CHCHD6: variants seen among roughly 807,000 people sequenced by gnomAD.
CHCHD6 encodes the protein coiled-coil-helix-coiled-coil-helix domain containing 6.
CHCHD6 carries 28 observed loss-of-function variants against 32.3 expected under a neutral mutation model. The observed-to-expected ratio is 0.87, with a 90% CI of 0.64 to 1.19. The LOEUF is 1.19. Ranked by LOEUF, CHCHD6 falls within the 50% of genes most tolerant of loss-of-function variation. The pLI is 0.00. For missense variants in CHCHD6, 333 were observed against 307.0 expected (o/e 1.08, Z -0.63); for synonymous variants, 122 against 117.5 (o/e 1.04, Z -0.25).
At chr3:126,797,331 C>T (rs568236792) in intron 4 of CHCHD6, among the ~76,000 whole-genome samples, 6 of 152,228 alleles carry the variant, frequency 3.9e-5, no homozygotes, top group East Asian at 1.9e-4. Flanking sequence ...CTGCCTAAGA[C>T]GGGGGAGCAG....
At chr3:126,835,374 C>T (rs1940815057) in intron 4 of CHCHD6, among the ~76,000 whole-genome samples, 1 of 152,204 alleles carries the variant, frequency 6.6e-6, no homozygotes, top group Non-Finnish European at 1.5e-5. Flanking sequence ...GTTCTCTGGT[C>T]AGGTAGGGGC....
At chr3:126,836,089 C>T (rs1940849546) in intron 4 of CHCHD6, among the ~76,000 whole-genome samples, 2 of 152,176 alleles carry the variant, frequency 1.3e-5, no homozygotes. Flanking sequence ...ATAAATAGAT[C>T]ATATCGCTAT....
At chr3:126,868,784 C>G (rs2077425162) in intron 5 of CHCHD6, among the ~76,000 whole-genome samples, 1 of 152,182 alleles carries the variant, frequency 6.6e-6, no homozygotes. Flanking sequence ...GCTTTTCCTA[C>G]TAGGTAAAAA....
intron 4 of CHCHD6, among the ~76,000 whole-genome samples, chr3:126,812,912 C>T (rs1334659545): frequency 6.6e-6 from 1 of 152,010 alleles, no homozygotes; most frequent in Non-Finnish European, 1.5e-5. Flanking sequence ...TCATCTTCAC[C>T]CCAGGAATTC....
At chr3:126,913,617 G>C (rs1266008913) in intron 5 of CHCHD6, among the ~76,000 whole-genome samples, 1 of 152,106 alleles carries the variant, frequency 6.6e-6, no homozygotes, top group Non-Finnish European at 1.5e-5. Flanking sequence ...GTCTGACCAC[G>C]GGCCCTGCCC....
chr3:126,919,759 T>C (rs9820906), intron 6 of CHCHD6, among the ~76,000 whole-genome samples: 151,234 of 151,698 alleles, frequency 1, 75,388 homozygotes, highest in Middle Eastern at 1. Flanking sequence ...TTTACATTCT[T>C]GATTTTTTTT....
chr3:126,780,776 A>G (rs1039988387), intron 4 of CHCHD6, among the ~76,000 whole-genome samples: 6 of 152,252 alleles, frequency 3.9e-5, no homozygotes, highest in Non-Finnish European at 7.3e-5. Flanking sequence ...CTCAAGGGAC[A>G]GAACACCCAA....
chr3:126,764,200 CAT>C (rs143293559), intron 4 of CHCHD6, among the ~76,000 whole-genome samples: 21,438 of 139,674 alleles, frequency 0.15, 3,334 homozygotes, highest in African/African-American at 0.38. Flanking sequence ...TACATACATG[CAT>C]ATATATATAT....
At chr3:126,714,108 G>A (rs1241781880) in intron 1 of CHCHD6, among the ~76,000 whole-genome samples, 1 of 148,782 alleles carries the variant, frequency 6.7e-6, no homozygotes, top group African/African-American at 2.5e-5. Flanking sequence ...AAAAAAGTTG[G>A]GAGGCTTTAC....
intron 4 of CHCHD6, among the ~76,000 whole-genome samples, chr3:126,843,271 T>G (rs1252358265): frequency 1.3e-5 from 2 of 152,212 alleles, no homozygotes; most frequent in Non-Finnish European, 2.9e-5. Flanking sequence ...GTTATGGGTA[T>G]TATCTTTTTT....
At chr3:126,774,740 C>T (rs943093961) in intron 4 of CHCHD6, among the ~76,000 whole-genome samples, 1 of 152,168 alleles carries the variant, frequency 6.6e-6, no homozygotes, top group Non-Finnish European at 1.5e-5. Context: ...TCCAGTTGGC[C>T]TTTGCTGGTG....
At position 126,855,223 on chromosome 3, in the gene CHCHD6, G is replaced by A. The variant is rs1389297261; in HGVS notation, c.495+2493G>A. Reference sequence around the variant, plus strand: ...TGAGGGTCTTATGGCACCTGAAGAAGCAGCCTGAACTTTGAGTATGGTGTA... The same window carrying A: ...TGAGGGTCTTATGGCACCTGAAGAAACAGCCTGAACTTTGAGTATGGTGTA... On this transcript the variant is annotated intron_variant, in intron 5 of 7. Transcript: ENST00000290913. Among the ~76,000 whole-genome samples the A allele has an allele frequency of 2.6e-5, 4 of 152,308 alleles. No individual in the cohort carries two copies. The East Asian group carries it at 7.7e-4, about 29-fold the overall frequency.
chr3:126,879,413 T>G (rs1272442729), intron 5 of CHCHD6, among the ~76,000 whole-genome samples: 1 of 152,200 alleles, frequency 6.6e-6, no homozygotes, highest in Non-Finnish European at 1.5e-5. Context: ...TGGGATGCAT[T>G]GAGAAGGGCA....
At chr3:126,948,921 C>T (rs1311409001) in intron 6 of CHCHD6, among the ~76,000 whole-genome samples, 1 of 152,248 alleles carries the variant, frequency 6.6e-6, no homozygotes, top group Admixed American at 6.5e-5. Flanking sequence ...TTTCACTGGG[C>T]CCATGAATGG....
chr3:126,920,695 G>A (rs1251645176), intron 6 of CHCHD6, among the ~76,000 whole-genome samples: 2 of 152,184 alleles, frequency 1.3e-5, no homozygotes, highest in East Asian at 3.8e-4. Flanking sequence ...TAGCTGCCCA[G>A]GCAGCCTCCA....
chr3:126,955,480 T>C (rs1223884449), intron 6 of CHCHD6, among the ~76,000 whole-genome samples: 2 of 152,224 alleles, frequency 1.3e-5, no homozygotes, highest in African/African-American at 4.8e-5. Flanking sequence ...ATGGCTAGGA[T>C]GGGGTGGAAT....
At chr3:126,735,185 T>C (rs1417082472) in intron 4 of CHCHD6, among the ~76,000 whole-genome samples, 3 of 152,122 alleles carry the variant, frequency 2.0e-5, no homozygotes, top group Admixed American at 6.5e-5. Context: ...AGGTGGAAGA[T>C]TACAACCTAC....
chr3:126,882,584 C>T (rs914787886), intron 5 of CHCHD6, among the ~76,000 whole-genome samples: 12 of 152,192 alleles, frequency 7.9e-5, no homozygotes, highest in African/African-American at 2.9e-4. Flanking sequence ...CACCTGTTAT[C>T]GCCAGGCCCT....
chr3:126,862,668 C>T (rs1416041838), intron 5 of CHCHD6, among the ~76,000 whole-genome samples: 3 of 134,074 alleles, frequency 2.2e-5, no homozygotes, highest in Non-Finnish European at 4.8e-5. Context: ...CCTCCCCCTC[C>T]TCCACCATCA....
Sources: allele counts gnomAD v4.1 joint callset (sites outside exome capture counted in the v4.1 genomes callset), GRCh38; gene constraint gnomAD v4.1.1; transcripts MANE v1.5; gene names NCBI Gene and HGNC (gene_info 2026-07-23, HGNC 2026-07-21).